Variants in RBMS3 observed in about 807,000 individuals in gnomAD.
RBMS3 encodes RNA binding motif single stranded interacting protein 3.
A neutral mutation model predicts 66.8 loss-of-function variants in RBMS3; 27 were observed. The ratio of observed to expected loss-of-function variants is 0.40; its 90% CI spans 0.30 to 0.56. RBMS3 has a LOEUF of 0.56. Ranked by LOEUF, RBMS3 falls within the 20% of genes least tolerant of loss-of-function variation. RBMS3 has a pLI of 0.40. For synonymous variants in RBMS3, 188 were observed against 183.0 expected, an observed-to-expected ratio of 1.03 and a Z score of -0.22; for missense variants, 513 against 549.5, an observed-to-expected ratio of 0.93 and a Z score of 0.66.
At chr3:29,873,472 C>T (rs2059539818) in intron 7 of RBMS3, among the ~76,000 whole-genome samples, 1 of 152,134 alleles carries the variant, frequency 6.6e-6, no homozygotes, top group Non-Finnish European at 1.5e-5. Flanking sequence ...TGTTTATCAG[C>T]TGAAGGAGCT....
intron 1 of RBMS3, among the ~76,000 whole-genome samples, chr3:29,432,020 G>T (rs1001761407): frequency 3.3e-5 from 5 of 152,112 alleles, no homozygotes; most frequent in Admixed American, 6.5e-5. Context: ...GAACCATAGT[G>T]CCCAGTCTGG....
At chr3:29,703,485 G>A (rs114183725) in intron 4 of RBMS3, among the ~76,000 whole-genome samples, 1,768 of 152,246 alleles carry the variant, frequency 0.012, 38 homozygotes, top group African/African-American at 0.04. Context: ...GAACTATTAC[G>A]GTTGGGAACT....
chr3:29,337,601 A>ACCC (rs2036030198), intron 1 of RBMS3, among the ~76,000 whole-genome samples: 1 of 152,056 alleles, frequency 6.6e-6, no homozygotes, highest in Admixed American at 6.6e-5. Context: ...GGCTATGATC[A>ACCC]TGCTGCTGCA....
rs185712234 is a variant in RBMS3, at chr3:29,370,511, T to G, written c.76-64232T>G. On this transcript the variant is annotated intron_variant, in intron 1 of 14. Coordinates refer to ENST00000383767, the MANE Select transcript of RBMS3 (RefSeq NM_001003793.3). ...TTTAGTATTTGGCTTTTAAGGCATA[T>G]TTAGACCAGACCCTTTCTATTGGTT... is the stretch of plus-strand genomic sequence containing the variant. 3.9e-5 allele frequency among the ~76,000 whole-genome samples: 6 copies of G among 152,330 alleles called. No individual in the cohort carries two copies. The East Asian group carries it at 1.2e-3, about 29-fold the overall frequency.
chr3:29,435,091 G>T (rs3773019), intron 2 of RBMS3, 176 bp downstream of exon 2: 389,812 of 693,832 alleles, frequency 0.56, 112,150 homozygotes, highest in East Asian at 0.84. Context: ...GAGTGGAATT[G>T]GTTTACTTTT....
intron 1 of RBMS3, among the ~76,000 whole-genome samples, chr3:29,335,442 C>A (rs2035890843): frequency 6.6e-6 from 1 of 152,054 alleles, no homozygotes; most frequent in Admixed American, 6.6e-5. Context: ...TATTTTGGTC[C>A]GTGGCAGATA....
chr3:29,705,741 G>A (rs1465259784), intron 4 of RBMS3, among the ~76,000 whole-genome samples: 2 of 152,110 alleles, frequency 1.3e-5, no homozygotes, highest in East Asian at 1.9e-4. Flanking sequence ...ACATCACAGG[G>A]TTGTGGTGAA....
chr3:29,379,656 G>A (rs1359808314), intron 1 of RBMS3, among the ~76,000 whole-genome samples: 2 of 152,162 alleles, frequency 1.3e-5, no homozygotes, highest in South Asian at 2.1e-4. Flanking sequence ...CTCCCACCAG[G>A]TCCCTCCCAC....
At chr3:29,447,798 G>A (rs1378814358) in intron 2 of RBMS3, among the ~76,000 whole-genome samples, 2 of 152,140 alleles carry the variant, frequency 1.3e-5, no homozygotes, top group Admixed American at 6.5e-5. Context: ...TACTTCTAAT[G>A]TCCTTTCGAG....
At chr3:29,585,913 G>A (rs2047503645) in intron 3 of RBMS3, among the ~76,000 whole-genome samples, 1 of 151,990 alleles carries the variant, frequency 6.6e-6, no homozygotes, top group African/African-American at 2.4e-5. Context: ...TGCTGGGAGG[G>A]AGAAAAAGAA....
intron 4 of RBMS3, among the ~76,000 whole-genome samples, chr3:29,702,293 G>A (rs2052641674): frequency 6.6e-6 from 1 of 151,932 alleles, no homozygotes; most frequent in Admixed American, 6.6e-5. Flanking sequence ...AATCTAGTGT[G>A]GACTTGGAGA....
At chr3:29,997,576 A>G (rs1699328389) in intron 14 of RBMS3, among the ~76,000 whole-genome samples, 1 of 151,054 alleles carries the variant, frequency 6.6e-6, no homozygotes, top group Non-Finnish European at 1.5e-5. Flanking sequence ...CACCATGATC[A>G]AGTGGGCTTC....
At chr3:29,463,455 A>T (rs1189203896) in intron 2 of RBMS3, among the ~76,000 whole-genome samples, 1 of 152,162 alleles carries the variant, frequency 6.6e-6, no homozygotes, top group Non-Finnish European at 1.5e-5. Context: ...CTTCAGAGAC[A>T]AGGTATGTTC....
intron 6 of RBMS3, among the ~76,000 whole-genome samples, chr3:29,781,025 T>A (rs1576785533): frequency 6.6e-6 from 1 of 152,086 alleles, no homozygotes. Context: ...GCAGGTTTGT[T>A]ACATATGTAT....
chr3:29,486,077 T>C (rs9843243), intron 2 of RBMS3, among the ~76,000 whole-genome samples: 5,708 of 152,240 alleles, frequency 0.037, 255 homozygotes, highest in East Asian at 0.24. Context: ...CATAATTTCA[T>C]AGGTATATTA....
intron 6 of RBMS3, among the ~76,000 whole-genome samples, chr3:29,864,760 A>G (rs2059303997): frequency 6.8e-6 from 1 of 147,502 alleles, no homozygotes; most frequent in Admixed American, 7.2e-5. Context: ...AGTATTTAAC[A>G]TTATTTCCCC....
At chr3:29,928,188 A>G (rs922321731) in intron 10 of RBMS3, among the ~76,000 whole-genome samples, 11 of 89,340 alleles carry the variant, frequency 1.2e-4, no homozygotes, top group African/African-American at 3.6e-4. Flanking sequence ...TTTTATATAT[A>G]TATATATATA....
chr3:29,703,846 T>C (rs1310457702), intron 4 of RBMS3, among the ~76,000 whole-genome samples: 1 of 148,916 alleles, frequency 6.7e-6, no homozygotes. Flanking sequence ...AGATGAGTGC[T>C]GGGCGAGTGA....
At chr3:29,522,760 A>G (rs1218622197) in intron 3 of RBMS3, among the ~76,000 whole-genome samples, 1 of 152,132 alleles carries the variant, frequency 6.6e-6, no homozygotes, top group Non-Finnish European at 1.5e-5. Context: ...ATCCTACTGG[A>G]ATCTAGTTGA....
Sources: gnomAD v4.1 joint callset for allele counts (sites outside exome capture counted in the v4.1 genomes callset) on GRCh38, gnomAD v4.1.1 for gene constraint, MANE v1.5 for transcripts, NCBI Gene and HGNC (gene_info 2026-07-23, HGNC 2026-07-21) for gene names.